LRRIQ3: variants seen among roughly 807,000 people sequenced by gnomAD.
LRRIQ3 encodes the protein leucine-rich repeat and IQ domain-containing protein 3.
LRRIQ3 carries 75 observed loss-of-function variants against 59.3 expected under a neutral mutation model. The ratio of observed to expected loss-of-function variants is 1.26; its 90% CI spans 1.05 to 1.53. LRRIQ3 has a LOEUF of 1.53. Ranked by LOEUF, LRRIQ3 falls within the 40% of genes most tolerant of loss-of-function variation. The pLI is 0.00. For synonymous variants in LRRIQ3, 250 were observed against 231.3 expected, an observed-to-expected ratio of 1.08 and a Z score of -0.73; for missense variants, 831 against 710.0, an observed-to-expected ratio of 1.17 and a Z score of -1.94.
At chr1:74,027,441 A>G (rs970503836) in intron 7 of LRRIQ3, among the ~76,000 whole-genome samples, 16 of 152,078 alleles carry the variant, frequency 1.1e-4, no homozygotes, top group African/African-American at 3.9e-4. Flanking sequence ...TAATTTGTGT[A>G]CTTATAAGAA....
At chr1:74,050,280 C>T (rs1654333652) in intron 6 of LRRIQ3, among the ~76,000 whole-genome samples, 2 of 152,214 alleles carry the variant, frequency 1.3e-5, no homozygotes, top group South Asian at 4.1e-4. Context: ...CTCCTTTCTC[C>T]AGCCATAACT....
chr1:74,155,936 T>C (rs1468449417), intron 3 of LRRIQ3, 70 bp from the exon 4 acceptor site: 1 of 899,676 alleles, frequency 1.1e-6, no homozygotes, highest in Non-Finnish European at 1.5e-6. Flanking sequence ...ATTTTAAATT[T>C]GGTAATCTAT....
At chr1:74,061,181 A>T (rs1373971669) in intron 6 of LRRIQ3, among the ~76,000 whole-genome samples, 1 of 152,272 alleles carries the variant, frequency 6.6e-6, no homozygotes, top group South Asian at 2.1e-4. Flanking sequence ...TTCCATTCAC[A>T]ATAGCCACAA....
intron 3 of LRRIQ3, among the ~76,000 whole-genome samples, chr1:74,167,917 C>T (rs1649089517): frequency 2.0e-5 from 3 of 151,948 alleles, no homozygotes; most frequent in East Asian, 3.9e-4. Context: ...ATCTTTCTGT[C>T]ATCAGATAGC....
chr1:74,175,368 G>A (rs535830573), intron 3 of LRRIQ3, among the ~76,000 whole-genome samples: 16 of 152,116 alleles, frequency 1.1e-4, no homozygotes, highest in East Asian at 9.6e-4. Context: ...TAGTTGTCCC[G>A]TGATGATTTA....
chr1:74,028,710 TA>T (rs1450785504), intron 7 of LRRIQ3, among the ~76,000 whole-genome samples: 3 of 151,406 alleles, frequency 2.0e-5, no homozygotes, highest in South Asian at 2.1e-4. Context: ...GTCTCTGTAT[TA>T]TTTTTTTTCA....
At chr1:74,103,044 T>C (rs954053877) in intron 5 of LRRIQ3, among the ~76,000 whole-genome samples, 6 of 151,954 alleles carry the variant, frequency 3.9e-5, no homozygotes, top group African/African-American at 9.7e-5. Flanking sequence ...TATAGATTCT[T>C]CTGACAAATA....
At chr1:74,157,719 A>T (rs1042942990) in intron 3 of LRRIQ3, among the ~76,000 whole-genome samples, 2 of 151,822 alleles carry the variant, frequency 1.3e-5, no homozygotes, top group East Asian at 3.9e-4. Flanking sequence ...TCTGCACTTT[A>T]AAAAAAACTA....
intron 4 of LRRIQ3, among the ~76,000 whole-genome samples, chr1:74,133,512 C>T (rs1473653524): frequency 6.6e-6 from 1 of 152,050 alleles, no homozygotes; most frequent in African/African-American, 2.4e-5. Context: ...CACATATACA[C>T]CATGGAATAC....
At chr1:74,093,560 C>T (rs1245611491) in intron 5 of LRRIQ3, among the ~76,000 whole-genome samples, 3 of 152,080 alleles carry the variant, frequency 2.0e-5, no homozygotes, top group Non-Finnish European at 2.9e-5. Flanking sequence ...GCAGACTGGA[C>T]ATCTACCAAT....
intron 3 of LRRIQ3, among the ~76,000 whole-genome samples, chr1:74,178,214 T>C (rs1269058933): frequency 6.6e-6 from 1 of 151,966 alleles, no homozygotes; most frequent in Non-Finnish European, 1.5e-5. Context: ...AACAACTTTA[T>C]TTCAGTTTTT....
At chr1:74,072,282 T>C (rs1655047767) in intron 6 of LRRIQ3, among the ~76,000 whole-genome samples, 2 of 152,100 alleles carry the variant, frequency 1.3e-5, no homozygotes, top group Admixed American at 1.3e-4. Context: ...GGAATGAAGA[T>C]ACAAAAGTGT....
At chr1:74,136,098 A>T (rs35149770) in intron 4 of LRRIQ3, among the ~76,000 whole-genome samples, 46,112 of 151,768 alleles carry the variant, frequency 0.3, 7,754 homozygotes, top group Middle Eastern at 0.45. Flanking sequence ...AAAATATGAG[A>T]AATAGTATTA....
At position 74,050,511 on chromosome 1, in the gene LRRIQ3, C is replaced by T. The variant is rs568366476; in HGVS notation, c.998-8578G>A. On this transcript the variant is annotated intron_variant, in intron 6 of 7. Coordinates refer to ENST00000354431, the MANE Select transcript of LRRIQ3 (RefSeq NM_001105659.2). ...ACTCAGAGCAACACAGAAGCCAATA[C>T]CATTTGTGGTCAACAGAGCTTGTTT... The T allele has an allele frequency of 3.3e-5, 33 of 985,260 alleles. No individual in the cohort carries two copies. In the East Asian group the frequency reaches 3.7e-3, roughly 112 times the overall value. 61.0% of individuals were successfully genotyped at this position (985,260 alleles called of 1,614,324 possible).
At chr1:74,178,449 G>A (rs1429026598) in intron 3 of LRRIQ3, among the ~76,000 whole-genome samples, 1 of 151,686 alleles carries the variant, frequency 6.6e-6, no homozygotes, top group Admixed American at 6.6e-5. Flanking sequence ...ACTCTATTGA[G>A]TGAATTATAA....
intron 7 of LRRIQ3, among the ~76,000 whole-genome samples, chr1:74,029,939 G>A (rs1426357998): frequency 6.6e-6 from 1 of 151,980 alleles, no homozygotes; most frequent in East Asian, 1.9e-4. Flanking sequence ...GGGTGTATGT[G>A]TCAAGGAATT....
intron 6 of LRRIQ3, among the ~76,000 whole-genome samples, chr1:74,051,974 G>A (rs1654384140): frequency 6.6e-6 from 1 of 152,008 alleles, no homozygotes; most frequent in Admixed American, 6.6e-5. Context: ...TAGGATTAAG[G>A]TCAAACTTTC....
intron 7 of LRRIQ3, among the ~76,000 whole-genome samples, chr1:74,034,068 C>T (rs943840668): frequency 6.6e-6 from 1 of 151,978 alleles, no homozygotes; most frequent in East Asian, 1.9e-4. Flanking sequence ...CTTTATGGTT[C>T]CCCTTTTTTC....
intron 6 of LRRIQ3, among the ~76,000 whole-genome samples, chr1:74,067,978 A>G (rs1055794923): frequency 6.6e-6 from 1 of 152,076 alleles, no homozygotes; most frequent in Non-Finnish European, 1.5e-5. Context: ...AACATAGTCA[A>G]GTACAACCAA....
Sources: allele counts gnomAD v4.1 joint callset (sites outside exome capture counted in the v4.1 genomes callset), GRCh38; gene constraint gnomAD v4.1.1; transcripts MANE v1.5; gene names NCBI Gene and HGNC (gene_info 2026-07-23, HGNC 2026-07-21).